Variants in CLASP1 observed in about 807,000 individuals in gnomAD.
CLASP1 encodes the protein cytoplasmic linker associated protein 1.
CLASP1 carries 38 observed loss-of-function variants against 192.3 expected under a neutral mutation model. The ratio of observed to expected loss-of-function variants is 0.20; its 90% confidence interval spans 0.15 to 0.26. CLASP1 has a LOEUF of 0.26. Among genes scored for constraint, CLASP1 ranks in the 10% least tolerant of loss-of-function variants. The pLI is 1.00. For missense variants in CLASP1, 1,433 were observed against 1,932.5 expected, an observed-to-expected ratio of 0.74 and a Z score of 4.85; for synonymous variants, 691 against 712.8, an observed-to-expected ratio of 0.97 and a Z score of 0.49.
chr2:121,539,425 G>C (rs1395815176), intron 2 of CLASP1, among the ~76,000 whole-genome samples: 1 of 152,148 alleles, frequency 6.6e-6, no homozygotes, highest in East Asian at 1.9e-4. Context: ...GATGCCCCTG[G>C]ATCAACTGAA....
chr2:121,428,942 A>T (rs1187477227), intron 20 of CLASP1, among the ~76,000 whole-genome samples: 1 of 152,056 alleles, frequency 6.6e-6, no homozygotes, highest in Non-Finnish European at 1.5e-5. Flanking sequence ...AGGTTAAAAG[A>T]CTCACCCAAC....
chr2:121,623,507 T>C (rs1381897058), intron 1 of CLASP1, among the ~76,000 whole-genome samples: 1 of 152,232 alleles, frequency 6.6e-6, no homozygotes, highest in African/African-American at 2.4e-5. Context: ...TCTTGTGACA[T>C]TTTTGCCTGG....
At chr2:121,550,951 A>G (rs890990072) in intron 2 of CLASP1, among the ~76,000 whole-genome samples, 1 of 152,238 alleles carries the variant, frequency 6.6e-6, no homozygotes, top group Admixed American at 6.5e-5. Flanking sequence ...CTTGATGAGC[A>G]TCGATACAAA....
At chr2:121,421,019 AT>A (rs1456918916) in intron 22 of CLASP1, among the ~76,000 whole-genome samples, 1 of 152,172 alleles carries the variant, frequency 6.6e-6, no homozygotes, top group Non-Finnish European at 1.5e-5. Context: ...CATTTAACAT[AT>A]GGCTAGTAGC....
At chr2:121,566,829 A>G (rs906093136) in intron 2 of CLASP1, among the ~76,000 whole-genome samples, 1 of 152,188 alleles carries the variant, frequency 6.6e-6, no homozygotes, top group African/African-American at 2.4e-5. Context: ...TGGCTGAGAC[A>G]CCACCATAAT....
rs116281883 is a variant in CLASP1 at position 121,615,524 on chromosome 2, C to A, written c.-285-9344G>T. Among the ~76,000 whole-genome samples, 1,081 of 151,990 alleles carry A rather than the reference C, an allele frequency of 7.1e-3. 12 individuals carry two copies. Among genetic ancestry groups the A allele is most frequent in the African/African-American group, 0.024 (992 of 41,474 alleles). Reference sequence around the variant, plus strand: ...TAAAAAAACAAAAACAGGTCGGGTGCGGTGGCTCAAACCTGTAATCCCAGC... The same window carrying A: ...TAAAAAAACAAAAACAGGTCGGGTGAGGTGGCTCAAACCTGTAATCCCAGC... On this transcript the variant is annotated intron_variant, in intron 1 of 39. Transcript: ENST00000263710.
intron 8 of CLASP1, among the ~76,000 whole-genome samples, chr2:121,478,905 CCACACACACCA>C (rs1391943377): frequency 7.5e-4 from 39 of 51,690 alleles, no homozygotes; most frequent in South Asian, 1.5e-3. Flanking sequence ...ACACACCACA[CCACACACACCA>C]CACACACACC....
At chr2:121,418,643 C>T (rs376971698) in exon 23 of CLASP1, 3 of 1,613,674 alleles carry the variant, frequency 1.9e-6, no homozygotes, top group Non-Finnish European at 2.5e-6. Flanking sequence ...AAGCCCCGAG[C>T]AGGGCTTGTA....
At chr2:121,528,713 C>T (rs757544209) in exon 4 of CLASP1, 1 of 1,614,042 alleles carries the variant, frequency 6.2e-7, no homozygotes, top group South Asian at 1.1e-5. Flanking sequence ...TCTTTAGCAG[C>T]AGAGTTTGGT....
At chr2:121,364,981 G>A (rs2067103236) in intron 36 of CLASP1, 113 bp downstream of exon 37, 3 of 957,230 alleles carry the variant, frequency 3.1e-6, no homozygotes, top group Non-Finnish European at 4.9e-6. Context: ...ATGTTTTGAT[G>A]TAAACAGTAA....
rs572680000 is a variant in CLASP1, at chr2:121,347,898, G to A, written c.4413+614C>T. Among the ~76,000 whole-genome samples the A allele has an allele frequency of 1.4e-4, 22 of 152,072 alleles. No homozygotes were observed. The East Asian group carries it at 2.1e-3, about 15-fold the overall frequency. ...TACCTTTCCCCAGTGAAACTCCCTC[G>A]CCAAGGGCCAACTTGAAACCACCTC... On this transcript the variant is annotated intron_variant, in intron 38 of 39. Transcript: ENST00000263710.
chr2:121,613,404 C>G (rs1211450543), intron 1 of CLASP1, among the ~76,000 whole-genome samples: 1 of 152,096 alleles, frequency 6.6e-6, no homozygotes, highest in Non-Finnish European at 1.5e-5. Context: ...AACAATGGAC[C>G]AACTCTGCTG....
intron 34 of CLASP1, among the ~76,000 whole-genome samples, chr2:121,368,734 C>A (rs2067965925): frequency 6.6e-6 from 1 of 152,156 alleles, no homozygotes; most frequent in Admixed American, 6.5e-5. Flanking sequence ...ATTGGTGACA[C>A]CTATGGCAAA....
chr2:121,559,021 A>G (rs1185631517), intron 2 of CLASP1, among the ~76,000 whole-genome samples: 2 of 152,218 alleles, frequency 1.3e-5, no homozygotes, highest in East Asian at 3.8e-4. Flanking sequence ...GAGTACCTGA[A>G]AGCCATCCCC....
At chr2:121,370,988 C>A (rs752990004) in intron 34 of CLASP1, among the ~76,000 whole-genome samples, 2 of 152,110 alleles carry the variant, frequency 1.3e-5, no homozygotes, top group African/African-American at 4.8e-5. Context: ...CAGGAACTGA[C>A]GGAAAAGCAC....
At chr2:121,370,826 TC>T (rs2068518162) in intron 34 of CLASP1, among the ~76,000 whole-genome samples, 1 of 152,112 alleles carries the variant, frequency 6.6e-6, no homozygotes, top group Non-Finnish European at 1.5e-5. Flanking sequence ...CTTTATTTTC[TC>T]CCTCCCAAAT....
At chr2:121,430,977 A>T (rs575055449) in intron 19 of CLASP1, among the ~76,000 whole-genome samples, 17 of 108,302 alleles carry the variant, frequency 1.6e-4, no homozygotes, top group Admixed American at 1.2e-3. Flanking sequence ...ATTAAACTTT[A>T]AAAAAAAAAA....
chr2:121,611,958 G>C (rs1347300704), intron 1 of CLASP1, among the ~76,000 whole-genome samples: 1 of 151,254 alleles, frequency 6.6e-6, no homozygotes, highest in Non-Finnish European at 1.5e-5. Flanking sequence ...AACTGGAGAA[G>C]GAGGCATTGG....
intron 30 of CLASP1, among the ~76,000 whole-genome samples, chr2:121,388,724 C>T (rs1406698936): frequency 6.6e-6 from 1 of 151,572 alleles, no homozygotes; most frequent in Non-Finnish European, 1.5e-5. Context: ...AAAAGCTAAG[C>T]CAAAAAAAAT....
Sources: gnomAD v4.1 joint callset for allele counts (sites outside exome capture counted in the v4.1 genomes callset) on GRCh38, gnomAD v4.1.1 for gene constraint, MANE v1.5 for transcripts, NCBI Gene and HGNC (gene_info 2026-07-23, HGNC 2026-07-21) for gene names.